ARFGAP3: variants seen among roughly 807,000 people sequenced by gnomAD.
ARFGAP3 encodes the protein ADP-ribosylation factor GTPase-activating protein 3.
In ARFGAP3, 72 loss-of-function variants were observed where a neutral mutation model predicts 75.0. That is an observed-to-expected ratio of 0.96 (90% CI 0.79 to 1.17). The LOEUF is 1.17. Among genes scored for constraint, ARFGAP3 ranks in the 50% most tolerant of loss-of-function variants. The pLI is 0.00. For missense variants in ARFGAP3, 620 were observed against 626.6 expected (o/e 0.99, Z 0.11); for synonymous variants, 221 against 217.9 (o/e 1.01, Z -0.13).
intron 5 of ARFGAP3, among the ~76,000 whole-genome samples, chr22:42,832,895 G>A (rs1255352004): frequency 6.6e-6 from 1 of 151,986 alleles, no homozygotes; most frequent in Non-Finnish European, 1.5e-5. Flanking sequence ...TGAGGCAGGA[G>A]AATCGCTTGA....
intron 11 of ARFGAP3, 57 bp from the exon 12 acceptor site, chr22:42,811,001 G>A: frequency 1.3e-6 from 2 of 1,588,458 alleles, no homozygotes; most frequent in Non-Finnish European, 1.7e-6. Context: ...ACTCGTCCTG[G>A]GCTCTCTCAC....
At chr22:42,825,797 C>T (rs556514541) in intron 7 of ARFGAP3, among the ~76,000 whole-genome samples, 2 of 151,876 alleles carry the variant, frequency 1.3e-5, no homozygotes, top group African/African-American at 4.8e-5. Flanking sequence ...TTTCTGAGTA[C>T]ATTTTACTTA....
chr22:42,836,551 A>G (rs915689897), intron 3 of ARFGAP3, among the ~76,000 whole-genome samples: 3 of 152,224 alleles, frequency 2.0e-5, no homozygotes, highest in East Asian at 3.8e-4. Context: ...AGATACTACA[A>G]TATAGGTAAG....
chr22:42,856,912 C>T (rs1927529827), intron 1 of ARFGAP3, among the ~76,000 whole-genome samples: 1 of 150,688 alleles, frequency 6.6e-6, no homozygotes, highest in Non-Finnish European at 1.5e-5. Context: ...TGAGGACCCC[C>T]GCGCTGCGGC....
rs147787604 is a variant in ARFGAP3 at position 42,847,546 on chromosome 22, G to A, written c.156C>T (p.His52=). The change falls in exon 2 of 16, where the codon CAC becomes CAT. Residue 52 remains histidine (H), a synonymous_variant. Transcript: ENST00000263245. ...VFLCIDCSGS[H]RSLGVHLSFI... Reference sequence around the variant, plus strand: ...AACTCAAGTGAACACCAAGTGACCGGTGGGACCCTGAGCAATCAATGCAAA... The same window carrying A: ...AACTCAAGTGAACACCAAGTGACCGATGGGACCCTGAGCAATCAATGCAAA... 6 of 1,613,716 alleles carry A rather than the reference G, an allele frequency of 3.7e-6. No homozygotes were observed. Among genetic ancestry groups the A allele is most frequent in the Non-Finnish European group, 5.1e-6 (6 of 1,179,746 alleles).
At chr22:42,850,609 T>C (rs147804073) in intron 1 of ARFGAP3, among the ~76,000 whole-genome samples, 21 of 146,610 alleles carry the variant, frequency 1.4e-4, no homozygotes, top group African/African-American at 5.0e-4. Context: ...ATATACTTTA[T>C]AGGCAGAATC....
At chr22:42,839,459 A>G (rs1926682803) in intron 3 of ARFGAP3, among the ~76,000 whole-genome samples, 2 of 151,468 alleles carry the variant, frequency 1.3e-5, no homozygotes, top group South Asian at 4.2e-4. Context: ...AAATCCAGGC[A>G]TGGTGACGTG....
In ARFGAP3 at chr22:42,806,729, G is replaced by A. The variant is rs1390594110; in HGVS notation, c.1411+344C>T. ...ATCCTCAAGGGCTCACAGCTAGAGG[G>A]TGGTGAGGATCACACGGGAGCCCGG... On this transcript the variant is annotated intron_variant, in intron 14 of 15. Coordinates refer to ENST00000263245, the MANE Select transcript of ARFGAP3 (RefSeq NM_014570.5). 2.0e-5 allele frequency among the ~76,000 whole-genome samples: 3 copies of A among 152,354 alleles called. No individual in the cohort carries two copies. The East Asian group carries it at 5.8e-4, about 29-fold the overall frequency.
rs761771147 is a variant in ARFGAP3 at position 42,835,365 on chromosome 22, A to G, written c.390T>C (p.Thr130=). The G allele has an allele frequency of 9.3e-6, 15 of 1,613,868 alleles. No individual in the cohort carries two copies. In the South Asian group the frequency reaches 1.5e-4, roughly 17 times the overall value. The change falls in exon 4 of 16, where the codon ACT becomes ACC. Residue 130 remains threonine (T), a synonymous_variant. Transcript: ENST00000263245. ...LASQATRKHG[T]DLWLDSCVVP... ...AATCCAGCCTCCAGTGACTTACATC[A>G]GTGCCATGCTTCCGTGTTGCTTGAG...
At chr22:42,800,757 G>A (rs138293230) in intron 14 of ARFGAP3, among the ~76,000 whole-genome samples, 1,642 of 152,332 alleles carry the variant, frequency 0.011, 59 homozygotes, top group Admixed American at 0.081. Context: ...TGATGGGACT[G>A]GGGTGCTGTG....
At chr22:42,803,595 G>A (rs1247895248) in intron 14 of ARFGAP3, among the ~76,000 whole-genome samples, 3 of 152,130 alleles carry the variant, frequency 2.0e-5, no homozygotes, top group African/African-American at 4.8e-5. Context: ...AGTGCCTCAC[G>A]CCTGCCTGAG....
chr22:42,846,038 C>CAAAAA (rs60266541), intron 2 of ARFGAP3, among the ~76,000 whole-genome samples: 16 of 88,034 alleles, frequency 1.8e-4, no homozygotes, highest in Admixed American at 5.1e-4. Flanking sequence ...AACTCCATCT[C>CAAAAA]AAAAAAAAAA....
chr22:42,823,935 A>ATT (rs35192684), intron 7 of ARFGAP3: 205 of 182,910 alleles, frequency 1.1e-3, no homozygotes, highest in Middle Eastern at 2.8e-3. Context: ...GAGAAAATGT[A>ATT]TTTTTTTTTT....
At chr22:42,822,044 A>C (rs1375324243) in intron 9 of ARFGAP3, among the ~76,000 whole-genome samples, 1 of 151,996 alleles carries the variant, frequency 6.6e-6, no homozygotes, top group African/African-American at 2.4e-5. Flanking sequence ...CTTCTCACTG[A>C]TGTCACTCCA....
At chr22:42,820,481 C>T (rs149194906) in intron 9 of ARFGAP3, among the ~76,000 whole-genome samples, 36 of 152,270 alleles carry the variant, frequency 2.4e-4, no homozygotes, top group Non-Finnish European at 4.1e-4. Flanking sequence ...TAAGACAGTA[C>T]GAAAAGTAGT....
chr22:42,854,124 C>A (rs540362644), intron 1 of ARFGAP3, among the ~76,000 whole-genome samples: 7 of 152,244 alleles, frequency 4.6e-5, no homozygotes, highest in Admixed American at 3.9e-4. Context: ...AAACATACCA[C>A]CTGCCGTCCT....
chr22:42,840,871 T>C (rs925676012), intron 3 of ARFGAP3, 73 bp downstream of exon 3: 1 of 1,506,086 alleles, frequency 6.6e-7, no homozygotes, highest in African/African-American at 1.4e-5. Context: ...GCACCTAGCC[T>C]GAGCTTCTTT....
In ARFGAP3 at chr22:42,833,034, G is replaced by A. The variant is rs1271433305; in HGVS notation, c.477+1208C>T. 2.6e-5 allele frequency among the ~76,000 whole-genome samples: 4 copies of A among 151,646 alleles called. No individual in the cohort carries two copies. The South Asian group carries it at 6.3e-4, about 24-fold the overall frequency. On this transcript the variant is annotated intron_variant, in intron 5 of 15. Transcript: ENST00000263245. ...AAGAAAGAAAAGAAAGGGCCAAATA[G>A]TAAATATTGTCGCCTTTTAGGCTTT... is the stretch of plus-strand genomic sequence containing the variant.
At chr22:42,847,734 C>A in intron 1 of ARFGAP3, 102 bp from the exon 2 acceptor site, 2 of 1,373,612 alleles carry the variant, frequency 1.5e-6, no homozygotes, top group Non-Finnish European at 1.9e-6. Context: ...TTAACCTTTA[C>A]AATGTAAACT....
Sources: allele counts gnomAD v4.1 joint callset (sites outside exome capture counted in the v4.1 genomes callset), GRCh38; gene constraint gnomAD v4.1.1; transcripts MANE v1.5; gene names NCBI Gene and HGNC (gene_info 2026-07-23, HGNC 2026-07-21).